The following ARHGAP26 variants were observed in gnomAD, a reference collection of about 807,000 sequenced individuals.
ARHGAP26 encodes the protein Rho GTPase activating protein 26.
In ARHGAP26, 38 loss-of-function variants were observed where a neutral mutation model predicts 104.8. That is an observed-to-expected ratio of 0.36 (90% CI 0.28 to 0.48). ARHGAP26 has a LOEUF of 0.48. Ranked by LOEUF, ARHGAP26 falls within the 20% of genes least tolerant of loss-of-function variation. The pLI, the probability that ARHGAP26 is intolerant of heterozygous loss-of-function variation, is 0.99. For missense variants in ARHGAP26, 704 were observed against 947.9 expected, an observed-to-expected ratio of 0.74 and a Z score of 3.38; for synonymous variants, 341 against 340.0, an observed-to-expected ratio of 1.00 and a Z score of -0.03.
At chr5:143,104,187 T>C (rs530622905) in intron 17 of ARHGAP26, among the ~76,000 whole-genome samples, 1 of 152,166 alleles carries the variant, frequency 6.6e-6, no homozygotes, top group East Asian at 1.9e-4. Flanking sequence ...ATAGATCTCA[T>C]GGGTGACAGT....
chr5:142,835,884 T>C (rs1769457301), intron 1 of ARHGAP26, among the ~76,000 whole-genome samples: 1 of 152,236 alleles, frequency 6.6e-6, no homozygotes, highest in South Asian at 2.1e-4. Flanking sequence ...ACTTGTACAA[T>C]CAAATCATCA....
intron 20 of ARHGAP26, among the ~76,000 whole-genome samples, chr5:143,186,806 A>G (rs1288482073): frequency 6.6e-6 from 1 of 152,224 alleles, no homozygotes; most frequent in Non-Finnish European, 1.5e-5. Context: ...TAAGACAGGA[A>G]GTAATCCTAG....
chr5:143,125,025 C>T (rs1796563476), intron 18 of ARHGAP26, among the ~76,000 whole-genome samples: 1 of 152,182 alleles, frequency 6.6e-6, no homozygotes, highest in Admixed American at 6.5e-5. Context: ...AATTTCAGCC[C>T]TTAAATGCCC....
intron 1 of ARHGAP26, among the ~76,000 whole-genome samples, chr5:142,837,293 T>G (rs770377043): frequency 2.0e-5 from 3 of 152,168 alleles, no homozygotes; most frequent in Non-Finnish European, 4.4e-5. Flanking sequence ...ATTGGAAAGT[T>G]CTGTTCTTCC....
At chr5:142,999,342 T>C (rs1776875742) in intron 11 of ARHGAP26, among the ~76,000 whole-genome samples, 1 of 152,146 alleles carries the variant, frequency 6.6e-6, no homozygotes, top group Non-Finnish European at 1.5e-5. Context: ...CTGCTTGTCC[T>C]TTTAGCTGAG....
intron 1 of ARHGAP26, among the ~76,000 whole-genome samples, chr5:142,793,275 A>T (rs201684027): frequency 0.047 from 3,666 of 78,116 alleles, 111 homozygotes; most frequent in East Asian, 0.28. Context: ...TTTTTTTTTT[A>T]ATCTATCTTT....
At chr5:143,187,549 T>C (rs1471467805) in intron 20 of ARHGAP26, among the ~76,000 whole-genome samples, 3 of 152,234 alleles carry the variant, frequency 2.0e-5, no homozygotes, top group Non-Finnish European at 2.9e-5. Flanking sequence ...TGGAAGCTTT[T>C]TTCTGAGCCA....
intron 17 of ARHGAP26, among the ~76,000 whole-genome samples, chr5:143,064,954 C>T (rs565484954): frequency 1.3e-5 from 2 of 152,138 alleles, no homozygotes; most frequent in Non-Finnish European, 1.5e-5. Context: ...TGATTTGGGT[C>T]TCTTGTTTGT....
At chr5:143,205,634 T>C (rs1599508387) in intron 20 of ARHGAP26, among the ~76,000 whole-genome samples, 1 of 152,060 alleles carries the variant, frequency 6.6e-6, no homozygotes, top group African/African-American at 2.4e-5. Flanking sequence ...TCAGAGGGAG[T>C]ACGCTGGCTG....
chr5:142,921,658 G>C (rs1454869941), intron 10 of ARHGAP26: 2 of 166,452 alleles, frequency 1.2e-5, no homozygotes, highest in Non-Finnish European at 2.9e-5. Context: ...TGTATGGCAG[G>C]CTGCATGATG....
At chr5:143,193,414 A>G (rs1483372774) in intron 20 of ARHGAP26, among the ~76,000 whole-genome samples, 1 of 151,812 alleles carries the variant, frequency 6.6e-6, no homozygotes, top group Non-Finnish European at 1.5e-5. Context: ...AAACCTGGCT[A>G]ATTTTTGTAT....
chr5:142,801,303 A>G (rs1762033764), intron 1 of ARHGAP26, among the ~76,000 whole-genome samples: 1 of 152,164 alleles, frequency 6.6e-6, no homozygotes, highest in Non-Finnish European at 1.5e-5. Context: ...CTGTGGGATA[A>G]TAAGAGTTAT....
intron 12 of ARHGAP26, among the ~76,000 whole-genome samples, chr5:143,017,194 G>A (rs1283818491): frequency 6.6e-6 from 1 of 152,214 alleles, no homozygotes; most frequent in African/African-American, 2.4e-5. Flanking sequence ...TTATCAGAGA[G>A]CCAGAATGTT....
intron 17 of ARHGAP26, among the ~76,000 whole-genome samples, chr5:143,090,241 C>A (rs900087799): frequency 6.6e-6 from 1 of 152,250 alleles, no homozygotes; most frequent in East Asian, 1.9e-4. Context: ...GAAAGAGCTA[C>A]CATGCAGCCC....
intron 18 of ARHGAP26, among the ~76,000 whole-genome samples, chr5:143,128,296 A>G (rs1488255488): frequency 2.0e-5 from 3 of 152,202 alleles, no homozygotes; most frequent in Non-Finnish European, 4.4e-5. Flanking sequence ...ATTTTAATCT[A>G]TCCATCTTTG....
At chr5:142,901,158 C>G (rs563190983) in intron 6 of ARHGAP26, among the ~76,000 whole-genome samples, 8 of 152,052 alleles carry the variant, frequency 5.3e-5, no homozygotes, top group African/African-American at 1.9e-4. Context: ...CTGGTAGGGG[C>G]TCAGGGAGGG....
chr5:142,816,083 C>T (rs1450133312), intron 1 of ARHGAP26, among the ~76,000 whole-genome samples: 4 of 152,044 alleles, frequency 2.6e-5, no homozygotes, highest in Non-Finnish European at 4.4e-5. Context: ...CAGGTGTGAA[C>T]CATGGTGTCC....
intron 17 of ARHGAP26, among the ~76,000 whole-genome samples, chr5:143,070,228 A>G (rs10063491): frequency 0.044 from 6,746 of 152,268 alleles, 454 homozygotes; most frequent in African/African-American, 0.14. Context: ...TTCCCTTCAT[A>G]ATAGAACTGC....
intron 11 of ARHGAP26, among the ~76,000 whole-genome samples, chr5:142,962,498 T>C (rs994713026): frequency 6.6e-6 from 1 of 152,214 alleles, no homozygotes; most frequent in African/African-American, 2.4e-5. Flanking sequence ...TGATAACGGA[T>C]ACAGGGCATC....
Sources: gnomAD v4.1 joint callset for allele counts (sites outside exome capture counted in the v4.1 genomes callset) on GRCh38, gnomAD v4.1.1 for gene constraint, MANE v1.5 for transcripts, NCBI Gene and HGNC (gene_info 2026-07-23, HGNC 2026-07-21) for gene names.